The following ARNT2 variants were observed in gnomAD, a reference collection of about 807,000 sequenced individuals.
ARNT2 encodes ARNT protein 2.
In ARNT2, 36 loss-of-function variants were observed where a neutral mutation model predicts 91.7. That is an observed-to-expected ratio of 0.39 (90% CI 0.30 to 0.52). The LOEUF (loss-of-function observed/expected upper bound fraction) is 0.52, where lower values mean the gene tolerates loss of function less well. ARNT2 is among the 20% of genes least tolerant of loss of function. The pLI is 0.72. For synonymous variants in ARNT2, 365 were observed against 347.1 expected, an observed-to-expected ratio of 1.05 and a Z score of -0.57; for missense variants, 775 against 939.3, an observed-to-expected ratio of 0.83 and a Z score of 2.29.
At chr15:80,583,440 C>A (rs1453556122) in intron 17 of ARNT2, among the ~76,000 whole-genome samples, 2 of 152,216 alleles carry the variant, frequency 1.3e-5, no homozygotes, top group African/African-American at 2.4e-5. Flanking sequence ...AAGGACGAAG[C>A]CCTGGGTTGA....
At chr15:80,452,052 G>A (rs545674080) in intron 2 of ARNT2, among the ~76,000 whole-genome samples, 4 of 152,204 alleles carry the variant, frequency 2.6e-5, no homozygotes, top group Non-Finnish European at 5.9e-5. Flanking sequence ...TCTTAAAGGG[G>A]GCATAAGTGG....
intron 5 of ARNT2, among the ~76,000 whole-genome samples, chr15:80,489,805 C>T (rs1005263976): frequency 3.3e-5 from 5 of 152,222 alleles, no homozygotes; most frequent in South Asian, 4.1e-4. Context: ...GGTGGACTCA[C>T]CGACAGCCAT....
intron 2 of ARNT2, among the ~76,000 whole-genome samples, chr15:80,454,841 A>G (rs1229958540): frequency 6.6e-6 from 1 of 152,222 alleles, no homozygotes; most frequent in African/African-American, 2.4e-5. Context: ...AAGTTCAGAA[A>G]TGCTTATCAT....
At chr15:80,483,779 C>T (rs983769531) in intron 5 of ARNT2, among the ~76,000 whole-genome samples, 3 of 152,194 alleles carry the variant, frequency 2.0e-5, no homozygotes, top group African/African-American at 7.2e-5. Context: ...CCTCCTGGAA[C>T]GTGTGTGCCT....
At chr15:80,485,764 A>T (rs1381607759) in intron 5 of ARNT2, among the ~76,000 whole-genome samples, 2 of 152,138 alleles carry the variant, frequency 1.3e-5, no homozygotes, top group Non-Finnish European at 2.9e-5. Context: ...ACCATGTTAG[A>T]TGTGAGATGC....
chr15:80,443,143 T>A (rs1896220885), intron 1 of ARNT2: 2 of 565,498 alleles, frequency 3.5e-6, no homozygotes, highest in Non-Finnish European at 4.5e-6. Flanking sequence ...TGTAAGGAAC[T>A]AATGAGGTGA....
At chr15:80,571,460 C>T (rs1898582209) in intron 12 of ARNT2, among the ~76,000 whole-genome samples, 1 of 152,206 alleles carries the variant, frequency 6.6e-6, no homozygotes, top group Non-Finnish European at 1.5e-5. Context: ...GATTGTGTTT[C>T]TACCACACAC....
chr15:80,577,384 C>T (rs1898695904), intron 15 of ARNT2, among the ~76,000 whole-genome samples: 1 of 152,228 alleles, frequency 6.6e-6, no homozygotes, highest in Non-Finnish European at 1.5e-5. Context: ...GAGCCTCATC[C>T]TAAAGGGCAC....
At chr15:80,448,081 T>C (rs1035420804) in intron 1 of ARNT2, among the ~76,000 whole-genome samples, 1 of 152,156 alleles carries the variant, frequency 6.6e-6, no homozygotes, top group Non-Finnish European at 1.5e-5. Flanking sequence ...TGTTTTTTTT[T>C]CCCAAGCACT....
intron 12 of ARNT2, 43 bp from the exon 13 acceptor site, chr15:80,574,105 C>T (rs1419364625): frequency 1.3e-6 from 2 of 1,575,514 alleles, no homozygotes; most frequent in Non-Finnish European, 1.7e-6. Flanking sequence ...TATTGTCACC[C>T]CTTCTGTTCT....
rs745846916 is a variant in ARNT2 at position 80,597,274 on chromosome 15, G to C, written c.*3576G>C. The C allele has an allele frequency of 1.9e-6, 1 of 518,490 alleles. No homozygotes were observed. 32.1% of individuals were successfully genotyped at this position (518,490 alleles called of 1,614,324 possible). On this transcript the variant is annotated 3_prime_UTR_variant, in exon 19 of 19. Transcript: ENST00000303329. Reference sequence around the variant, plus strand: ...ATGCGAGAATGTGAACGCTCACCTTGCTCCGTCACGGTTCTGACCTACCAC... The same window carrying C: ...ATGCGAGAATGTGAACGCTCACCTTCCTCCGTCACGGTTCTGACCTACCAC...
At chr15:80,582,189 GC>G (rs1898811307) in intron 17 of ARNT2, among the ~76,000 whole-genome samples, 1 of 152,114 alleles carries the variant, frequency 6.6e-6, no homozygotes, top group Non-Finnish European at 1.5e-5. Context: ...TTGTCTGTCA[GC>G]CTTATGAACA....
At chr15:80,495,432 G>A (rs972148185) in intron 5 of ARNT2, among the ~76,000 whole-genome samples, 8 of 152,140 alleles carry the variant, frequency 5.3e-5, no homozygotes, top group Non-Finnish European at 5.9e-5. Flanking sequence ...CAGGTTTTTT[G>A]CTCCTAAAAT....
intron 5 of ARNT2, among the ~76,000 whole-genome samples, chr15:80,476,641 T>G (rs989659296): frequency 6.6e-6 from 1 of 152,264 alleles, no homozygotes; most frequent in Non-Finnish European, 1.5e-5. Flanking sequence ...AGAAGCCTGA[T>G]GAATTAGTGA....
rs1893371271 is a variant in ARNT2 at position 80,596,138 on chromosome 15, G to A, written c.*2440G>A. ...GCACTGAGGGGATGCAACAAAATTA[G>A]GAGAGGATCCTTGCTCCCAACGTCT... On this transcript the variant is annotated 3_prime_UTR_variant, in exon 19 of 19. Transcript: ENST00000303329. The A allele has an allele frequency of 1.3e-5, 2 of 152,194 alleles. No homozygotes were observed. The highest frequency in any genetic ancestry group is 1.5e-5 in the Non-Finnish European group (1 of 68,088). 9.4% of individuals were successfully genotyped at this position (152,194 alleles called of 1,614,324 possible).
At chr15:80,421,592 A>G (rs1342620167) in intron 1 of ARNT2, among the ~76,000 whole-genome samples, 1 of 152,228 alleles carries the variant, frequency 6.6e-6, no homozygotes, top group Non-Finnish European at 1.5e-5. Flanking sequence ...TGTATAGGTT[A>G]TATGAATTGT....
chr15:80,538,662 T>C (rs1424301888), intron 8 of ARNT2, among the ~76,000 whole-genome samples: 2 of 151,996 alleles, frequency 1.3e-5, no homozygotes, highest in Admixed American at 6.5e-5. Context: ...ATTTTACTTA[T>C]GAATTATTAA....
chr15:80,409,422 G>A (rs1397069911), intron 1 of ARNT2, among the ~76,000 whole-genome samples: 1 of 152,100 alleles, frequency 6.6e-6, no homozygotes, highest in Non-Finnish European at 1.5e-5. Flanking sequence ...ATTTGTTTTG[G>A]TGCCGAAGAA....
intron 3 of ARNT2, among the ~76,000 whole-genome samples, chr15:80,467,594 C>T (rs565222957): frequency 6.9e-4 from 105 of 152,316 alleles, no homozygotes; most frequent in African/African-American, 2.3e-3. Flanking sequence ...AGCCCTGGAC[C>T]TAACTCATGC....
Sources: allele counts gnomAD v4.1 joint callset (sites outside exome capture counted in the v4.1 genomes callset), GRCh38; gene constraint gnomAD v4.1.1; transcripts MANE v1.5; gene names NCBI Gene and HGNC (gene_info 2026-07-23, HGNC 2026-07-21).